Variants in DCDC1 observed in about 807,000 individuals in gnomAD.
DCDC1 encodes the protein doublecortin domain-containing protein 1.
In DCDC1, 200 loss-of-function variants were observed where a neutral mutation model predicts 178.3. The observed-to-expected ratio is 1.12, with a 90% CI of 1.00 to 1.26. The LOEUF (loss-of-function observed/expected upper bound fraction) is 1.26, where lower values mean the gene tolerates loss of function less well. DCDC1 is among the 50% of genes most tolerant of loss of function. The probability of loss-of-function intolerance (pLI) is 0.00; values close to 1 mark genes in which losing one functional copy is unlikely to be tolerated. For missense variants in DCDC1, 1,983 were observed against 1,749.2 expected (o/e 1.13, Z -2.38); for synonymous variants, 690 against 604.8 (o/e 1.14, Z -2.07).
chr11:31,142,764 G>A (rs1373301845), intron 9 of DCDC1, among the ~76,000 whole-genome samples: 1 of 151,982 alleles, frequency 6.6e-6, no homozygotes, highest in Non-Finnish European at 1.5e-5. Context: ...TTCAGAATCA[G>A]ACTAAGGACT....
chr11:31,359,212 A>C (rs1951568892), intron 1 of DCDC1, among the ~76,000 whole-genome samples: 1 of 152,188 alleles, frequency 6.6e-6, no homozygotes, highest in Admixed American at 6.5e-5. Flanking sequence ...AGACTGGATT[A>C]AGAAAATGTG....
chr11:31,091,750 T>C (rs924616373), intron 16 of DCDC1, among the ~76,000 whole-genome samples: 1 of 152,116 alleles, frequency 6.6e-6, no homozygotes, highest in African/African-American at 2.4e-5. Context: ...GACCTTGATA[T>C]CTTCATTTGT....
intron 20 of DCDC1, among the ~76,000 whole-genome samples, chr11:30,976,155 A>G (rs1230244594): frequency 1.3e-5 from 2 of 152,060 alleles, no homozygotes; most frequent in Non-Finnish European, 2.9e-5. Context: ...TTGGATCTCC[A>G]TATGCAGAAG....
chr11:30,969,631 C>A (rs781650992), intron 20 of DCDC1, among the ~76,000 whole-genome samples: 3 of 152,152 alleles, frequency 2.0e-5, no homozygotes, highest in Non-Finnish European at 4.4e-5. Context: ...ACAGTAATTG[C>A]TTCTTTGCTT....
At chr11:31,003,952 G>A (rs1951705170) in intron 20 of DCDC1, among the ~76,000 whole-genome samples, 1 of 152,148 alleles carries the variant, frequency 6.6e-6, no homozygotes. Context: ...GAGATGGTAC[G>A]AATGATGACG....
chr11:30,888,102 GAAAGAA>G (rs1943406437), intron 36 of DCDC1, among the ~76,000 whole-genome samples: 6 of 47,666 alleles, frequency 1.3e-4, no homozygotes, highest in South Asian at 8.3e-4. Flanking sequence ...GAAAGAAAAA[GAAAGAA>G]AGAAAGAAAG....
At chr11:31,292,991 T>C (rs529228471) in intron 6 of DCDC1, among the ~76,000 whole-genome samples, 1 of 152,294 alleles carries the variant, frequency 6.6e-6, no homozygotes, top group East Asian at 1.9e-4. Flanking sequence ...GTTTGAACCC[T>C]AGCTCTGTTT....
chr11:31,070,758 A>C (rs1468571176), intron 18 of DCDC1, among the ~76,000 whole-genome samples: 1 of 152,168 alleles, frequency 6.6e-6, no homozygotes, highest in East Asian at 1.9e-4. Flanking sequence ...TTTTTCCCAT[A>C]AATGGAGGAG....
chr11:31,225,752 T>C (rs1032236132), intron 9 of DCDC1, among the ~76,000 whole-genome samples: 1 of 151,194 alleles, frequency 6.6e-6, no homozygotes, highest in East Asian at 1.9e-4. Flanking sequence ...TAGATATAGA[T>C]ATGCTTTATT....
At position 31,068,620 on chromosome 11, in the gene DCDC1, T is replaced by C. The variant is rs77155470; in HGVS notation, c.2299-3467A>G. On this transcript the variant is annotated intron_variant, in intron 18 of 38. Transcript: ENST00000684477. The stretch of plus-strand genomic sequence containing the variant: ...AATGATACACTATCAATAATAATAT[T>C]GGAGGAATAGGTTCAAGAGGTACTT... Among the ~76,000 whole-genome samples the C allele has an allele frequency of 7.2e-3, 1,097 of 152,298 alleles. 21 individuals carry two copies. The highest frequency in any genetic ancestry group is 0.025 in the African/African-American group (1,046 of 41,580).
At chr11:31,021,031 C>T (rs1335705307) in intron 20 of DCDC1, among the ~76,000 whole-genome samples, 1 of 151,992 alleles carries the variant, frequency 6.6e-6, no homozygotes, top group Non-Finnish European at 1.5e-5. Context: ...AAGGACAGAC[C>T]ATTTTTTTTA....
chr11:31,097,740 C>T (rs1958246352), intron 15 of DCDC1, among the ~76,000 whole-genome samples: 1 of 152,056 alleles, frequency 6.6e-6, no homozygotes, highest in South Asian at 2.1e-4. Flanking sequence ...AATGGCAATC[C>T]GTTCAAAATT....
At chr11:31,191,369 A>T (rs1467196452) in intron 9 of DCDC1, among the ~76,000 whole-genome samples, 1 of 152,006 alleles carries the variant, frequency 6.6e-6, no homozygotes, top group Non-Finnish European at 1.5e-5. Context: ...TAATAATAAC[A>T]CTTCTACTAG....
At chr11:31,324,905 A>C (rs1341805467) in intron 3 of DCDC1, among the ~76,000 whole-genome samples, 1 of 152,184 alleles carries the variant, frequency 6.6e-6, no homozygotes, top group Non-Finnish European at 1.5e-5. Flanking sequence ...GTACAACAAA[A>C]AAATGGTTAG....
chr11:31,119,307 C>A (rs1477249314), intron 11 of DCDC1, among the ~76,000 whole-genome samples: 2 of 152,162 alleles, frequency 1.3e-5, no homozygotes, highest in African/African-American at 4.8e-5. Flanking sequence ...CTTGAATATT[C>A]CAATTTTGCT....
chr11:30,946,219 C>A (rs1948042882), intron 21 of DCDC1, among the ~76,000 whole-genome samples: 1 of 152,160 alleles, frequency 6.6e-6, no homozygotes, highest in South Asian at 2.1e-4. Context: ...CCTGCTGGCA[C>A]CTGCTTACCA....
At chr11:30,892,458 G>T (rs1590249097) in intron 36 of DCDC1, among the ~76,000 whole-genome samples, 2 of 152,110 alleles carry the variant, frequency 1.3e-5, no homozygotes, top group East Asian at 3.9e-4. Context: ...GGGTGACAGA[G>T]TGAGACTCTG....
At chr11:31,280,120 C>T (rs1946318268) in intron 7 of DCDC1, among the ~76,000 whole-genome samples, 1 of 152,078 alleles carries the variant, frequency 6.6e-6, no homozygotes, top group Admixed American at 6.6e-5. Context: ...AAATTCCTTT[C>T]AGTAAGTAAA....
chr11:31,112,902 G>C (rs767527187), intron 11 of DCDC1, among the ~76,000 whole-genome samples: 15 of 152,108 alleles, frequency 9.9e-5, no homozygotes, highest in Non-Finnish European at 2.2e-4. Flanking sequence ...AACTTAAAAA[G>C]CATCAGTGAA....
Sources: gnomAD v4.1 joint callset for allele counts (sites outside exome capture counted in the v4.1 genomes callset) on GRCh38, gnomAD v4.1.1 for gene constraint, MANE v1.5 for transcripts, NCBI Gene and HGNC (gene_info 2026-07-23, HGNC 2026-07-21) for gene names.